USP24: variants seen among roughly 807,000 people sequenced by gnomAD.
USP24 encodes the protein ubiquitin specific peptidase 24.
USP24 carries 97 observed loss-of-function variants against 361.6 expected under a neutral mutation model. That is an observed-to-expected ratio of 0.27 (90% CI 0.23 to 0.32). The LOEUF (loss-of-function observed/expected upper bound fraction) is 0.32. Among genes scored for constraint, USP24 ranks in the 10% least tolerant of loss-of-function variants. The pLI, the probability that USP24 is intolerant of heterozygous loss-of-function variation, is 1.00. For synonymous variants in USP24, 1,098 were observed against 1,124.6 expected (o/e 0.98, Z 0.47); for missense variants, 2,353 against 3,165.6 (o/e 0.74, Z 6.16).
At chr1:55,076,566 T>G (rs1347056673) in intron 62 of USP24, among the ~76,000 whole-genome samples, 1 of 152,174 alleles carries the variant, frequency 6.6e-6, no homozygotes, top group African/African-American at 2.4e-5. Flanking sequence ...ATTCCAATGA[T>G]TCTCTTTCCA....
At chr1:55,154,893 T>C in intron 12 of USP24, 115 bp from the exon 13 acceptor site, 1 of 693,828 alleles carries the variant, frequency 1.4e-6, no homozygotes, top group South Asian at 2.0e-5. Context: ...AAATTGACTC[T>C]AGTGTAATCA....
At chr1:55,091,318 T>C (rs1024552505) in intron 54 of USP24, among the ~76,000 whole-genome samples, 10 of 152,088 alleles carry the variant, frequency 6.6e-5, no homozygotes, top group Admixed American at 3.9e-4. Context: ...ATGAACCCTA[T>C]TGTGAACTGC....
intron 28 of USP24, 81 bp downstream of exon 28, chr1:55,137,433 GT>G: frequency 6.9e-7 from 1 of 1,447,322 alleles, no homozygotes; most frequent in East Asian, 2.4e-5. Context: ...CCCAGCATTT[GT>G]TATACAGTTT....
rs1644858526 is a variant in USP24, at chr1:55,068,492, T to C, written c.*553A>G. 6.5e-6 allele frequency: 1 copy of C among 152,674 alleles called. No homozygotes were observed. Among genetic ancestry groups the C allele is most frequent in the Admixed American group, 6.5e-5 (1 of 15,324 alleles). 9.5% of individuals were successfully genotyped at this position (152,674 alleles called of 1,614,324 possible). ...AGACCCATCTGAAATTCTATACAAA[T>C]AGGGAGACATATTAAATACAAAGGT... On this transcript the variant is annotated 3_prime_UTR_variant, in exon 68 of 68. Transcript: ENST00000294383.
intron 6 of USP24, 29 bp from the exon 7 acceptor site, chr1:55,165,979 T>C (rs772671484): frequency 6.3e-7 from 1 of 1,585,460 alleles, no homozygotes; most frequent in South Asian, 1.2e-5. Flanking sequence ...CACATTAAGT[T>C]ATTTTTCTCT....
intron 24 of USP24, among the ~76,000 whole-genome samples, chr1:55,140,831 CA>C (rs1646867993): frequency 1.3e-5 from 2 of 152,296 alleles, no homozygotes; most frequent in Admixed American, 1.3e-4. Flanking sequence ...AAAAAACCCA[CA>C]AAAGTATTTT....
chr1:55,072,019 G>C, intron 66 of USP24, 95 bp from the exon 67 acceptor site: 3 of 1,108,890 alleles, frequency 2.7e-6, no homozygotes, highest in Non-Finnish European at 4.0e-6. Flanking sequence ...GACCTTCAGT[G>C]GGACCGGAGG....
At chr1:55,142,307 C>T (rs1264188156) in intron 23 of USP24, among the ~76,000 whole-genome samples, 2 of 152,092 alleles carry the variant, frequency 1.3e-5, no homozygotes, top group Non-Finnish European at 2.9e-5. Context: ...ACCAATACCA[C>T]CTACTACTAA....
At chr1:55,180,101 C>T (rs1395929371) in intron 1 of USP24, among the ~76,000 whole-genome samples, 2 of 152,184 alleles carry the variant, frequency 1.3e-5, no homozygotes, top group South Asian at 2.1e-4. Flanking sequence ...CATAATGCTT[C>T]ATGTATCGGA....
intron 1 of USP24, among the ~76,000 whole-genome samples, chr1:55,201,474 G>A (rs1644571951): frequency 6.6e-6 from 1 of 151,712 alleles, no homozygotes; most frequent in Non-Finnish European, 1.5e-5. Flanking sequence ...AGTGGCAGGT[G>A]CCTGTAATCC....
intron 1 of USP24, among the ~76,000 whole-genome samples, chr1:55,187,173 C>G (rs773390387): frequency 9.2e-5 from 14 of 151,952 alleles, no homozygotes; most frequent in African/African-American, 3.1e-4. Flanking sequence ...GAATAAAGGA[C>G]ATAAAAAATC....
chr1:55,089,873 A>T, intron 54 of USP24, 133 bp from the exon 55 acceptor site: 1 of 602,228 alleles, frequency 1.7e-6, no homozygotes, highest in Non-Finnish European at 2.9e-6. Context: ...GGTAGAGTGG[A>T]GGGATAAGAG....
intron 63 of USP24, 88 bp from the exon 64 acceptor site, chr1:55,073,994 C>T (rs1330578738): frequency 2.0e-5 from 21 of 1,058,758 alleles, no homozygotes; most frequent in Middle Eastern, 2.1e-4. Context: ...TTCTAAAAAT[C>T]GACAAACTAT....
At chr1:55,110,121 C>T in intron 39 of USP24, 64 bp downstream of exon 39, 1 of 1,297,250 alleles carries the variant, frequency 7.7e-7, no homozygotes, top group Non-Finnish European at 1.1e-6. Context: ...TTAGAAATGT[C>T]CGTGTGACTT....
chr1:55,097,908 T>C, intron 47 of USP24, 35 bp downstream of exon 47: 1 of 1,569,398 alleles, frequency 6.4e-7, no homozygotes, highest in Non-Finnish European at 8.6e-7. Context: ...GAATAACAAA[T>C]TAATCTTGTT....
Position 55,092,024 on chromosome 1 carries a change from T to G in USP24, c.6553A>C (p.Arg2185=). 1 of 1,604,660 alleles carries G rather than the reference T, an allele frequency of 6.2e-7. No homozygotes were observed. Among genetic ancestry groups the G allele is most frequent in the Non-Finnish European group, 8.5e-7 (1 of 1,173,822 alleles). ...TTATCAAAACATATCACTTCTCACC[T>G]GAGTTTCTTCTTTGTCCGTAGATAA... ...QTYLRTKKKL[R]VDTEEWIATI... Residue 2185 remains arginine (R), a splice_region_variant and synonymous_variant, in exon 54 of 68, where the codon AGG becomes CGG. Coordinates refer to ENST00000294383, the MANE Select transcript of USP24 (RefSeq NM_015306.3).
intron 12 of USP24, 51 bp from the exon 13 acceptor site, chr1:55,154,829 C>T (rs1446356211): frequency 3.5e-6 from 5 of 1,434,180 alleles, no homozygotes; most frequent in East Asian, 2.3e-5. Context: ...TCGGAACAAC[C>T]TAAGTCTTCC....
intron 8 of USP24, among the ~76,000 whole-genome samples, chr1:55,161,567 T>C (rs190003915): frequency 1.2e-4 from 18 of 152,210 alleles, no homozygotes; most frequent in African/African-American, 4.1e-4. Flanking sequence ...AAAAGCTCTA[T>C]AGAAGTTATA....
intron 5 of USP24, among the ~76,000 whole-genome samples, chr1:55,170,869 C>T (rs951576364): frequency 6.6e-6 from 1 of 152,154 alleles, no homozygotes; most frequent in Non-Finnish European, 1.5e-5. Context: ...TATTAAAAGA[C>T]AGGACTGTGT....
Sources: allele counts gnomAD v4.1 joint callset (sites outside exome capture counted in the v4.1 genomes callset), GRCh38; gene constraint gnomAD v4.1.1; transcripts MANE v1.5; gene names NCBI Gene and HGNC (gene_info 2026-07-23, HGNC 2026-07-21).